The following CFAP92 variants were observed in gnomAD, a reference collection of about 807,000 sequenced individuals.
CFAP92 encodes the protein cilia and flagella associated protein 92 (putative).
CFAP92 carries 86 observed loss-of-function variants against 106.3 expected under a neutral mutation model. The observed-to-expected ratio is 0.81, with a 90% CI of 0.68 to 0.97. The LOEUF is 0.97. CFAP92 is among the 50% of genes least tolerant of loss of function. CFAP92 has a pLI of 0.00. For missense variants in CFAP92, 1,204 were observed against 1,283.8 expected (o/e 0.94, Z 0.95); for synonymous variants, 477 against 506.4 (o/e 0.94, Z 0.78).
intron 9 of CFAP92, 51 bp downstream of exon 9, chr3:128,965,460 G>A (rs1427708600): frequency 2.5e-6 from 1 of 398,904 alleles, no homozygotes. Context: ...TGACGGGCAG[G>A]TGGGTGGAAG....
At chr3:128,938,090 G>C (rs1939233079) in intron 10 of CFAP92, among the ~76,000 whole-genome samples, 2 of 151,194 alleles carry the variant, frequency 1.3e-5, no homozygotes, top group Non-Finnish European at 2.9e-5. Flanking sequence ...AATTAGCTGG[G>C]CATGGTGGCA....
At chr3:128,962,227 C>T (rs1576540251) in intron 9 of CFAP92, among the ~76,000 whole-genome samples, 4 of 152,272 alleles carry the variant, frequency 2.6e-5, no homozygotes, top group South Asian at 2.1e-4. Flanking sequence ...CGCCGAGCTT[C>T]CGGTAACTCT....
At chr3:128,977,174 G>C (rs955785466) in intron 5 of CFAP92, 108 bp from the exon 6 acceptor site, 1 of 793,970 alleles carries the variant, frequency 1.3e-6, no homozygotes, top group African/African-American at 1.7e-5. Flanking sequence ...CAGAAGGCCT[G>C]GGATGTGGTA....
intron 12 of CFAP92, among the ~76,000 whole-genome samples, chr3:128,917,968 G>A (rs1936954953): frequency 6.6e-6 from 1 of 152,200 alleles, no homozygotes; most frequent in African/African-American, 2.4e-5. Context: ...ACTATTATTA[G>A]TGGGATTTAA....
At chr3:129,024,423 C>T in the CFAP92 span, among the ~76,000 whole-genome samples, 1 of 151,258 alleles carries the variant, frequency 6.6e-6, no homozygotes, top group Non-Finnish European at 1.5e-5. Flanking sequence ...CCCAACTACT[C>T]GGGAGGCTGA....
chr3:128,952,451 T>G (rs1019125064), intron 9 of CFAP92, among the ~76,000 whole-genome samples: 3 of 152,106 alleles, frequency 2.0e-5, no homozygotes, highest in African/African-American at 4.8e-5. Context: ...ATAGAATTTT[T>G]AAAAAATCAC....
intron 12 of CFAP92, among the ~76,000 whole-genome samples, chr3:128,931,069 C>T (rs1938312203): frequency 6.6e-6 from 1 of 152,114 alleles, no homozygotes; most frequent in South Asian, 2.1e-4. Context: ...CGACACCCAG[C>T]TAATTTTAGT....
At chr3:128,913,460 T>G (rs566612439) in intron 15 of CFAP92, among the ~76,000 whole-genome samples, 1 of 152,310 alleles carries the variant, frequency 6.6e-6, no homozygotes, top group African/African-American at 2.4e-5. Context: ...GCCTCCCTTC[T>G]GCTGGCACTT....
At chr3:128,985,596 T>C (rs1943804301) in intron 4 of CFAP92, among the ~76,000 whole-genome samples, 1 of 152,058 alleles carries the variant, frequency 6.6e-6, no homozygotes, top group South Asian at 2.1e-4. Context: ...TTCCTGATAC[T>C]CCCACCTCAA....
the CFAP92 span, among the ~76,000 whole-genome samples, chr3:129,016,637 T>C: frequency 6.6e-6 from 1 of 152,052 alleles, no homozygotes; most frequent in South Asian, 2.1e-4. Context: ...CATAAAGCCC[T>C]GGAGACAGAG....
intron 12 of CFAP92, 119 bp downstream of exon 12, chr3:128,932,581 G>A: frequency 9.8e-7 from 1 of 1,015,890 alleles, no homozygotes; most frequent in South Asian, 1.7e-5. Flanking sequence ...CAGGCCAGGA[G>A]CGCAGGCACG....
At chr3:128,988,946 G>A (rs376851400) in intron 2 of CFAP92, 28 bp from the exon 3 acceptor site, 37 of 1,567,296 alleles carry the variant, frequency 2.4e-5, no homozygotes, top group East Asian at 1.3e-4. Context: ...AAAAAGTCTC[G>A]TTTTAACCTC....
the CFAP92 span, among the ~76,000 whole-genome samples, chr3:129,020,701 C>T: frequency 0.046 from 6,966 of 152,166 alleles, 475 homozygotes; most frequent in African/African-American, 0.15. Context: ...TGGTAAGGCA[C>T]GCTTATTGGA....
the CFAP92 span, among the ~76,000 whole-genome samples, chr3:129,022,515 G>C: frequency 6.6e-6 from 1 of 152,180 alleles, no homozygotes; most frequent in African/African-American, 2.4e-5. Context: ...TAAGCCCCTG[G>C]GCTGGCGGCC....
At chr3:128,938,613 C>A (rs1939305911) in intron 10 of CFAP92, among the ~76,000 whole-genome samples, 1 of 151,890 alleles carries the variant, frequency 6.6e-6, no homozygotes, top group South Asian at 2.1e-4. Flanking sequence ...CCTGCCTCAG[C>A]CTCCTGAGTA....
At chr3:128,931,485 G>GTATATA (rs1366674667) in intron 12 of CFAP92, among the ~76,000 whole-genome samples, 7 of 145,328 alleles carry the variant, frequency 4.8e-5, no homozygotes, top group African/African-American at 1.8e-4. Flanking sequence ...GTATATATAT[G>GTATATA]TATGTATGTA....
chr3:129,026,468 T>C, the CFAP92 span, among the ~76,000 whole-genome samples: 1 of 152,198 alleles, frequency 6.6e-6, no homozygotes, highest in Non-Finnish European at 1.5e-5. Context: ...CCTGCTGACA[T>C]ACCTCCTCTG....
chr3:128,953,595 C>A (rs1941042969), intron 9 of CFAP92, among the ~76,000 whole-genome samples: 1 of 109,466 alleles, frequency 9.1e-6, no homozygotes, highest in African/African-American at 5.7e-5. Context: ...CTCTCCCTCT[C>A]CCTCCCCCTC....
intron 8 of CFAP92, chr3:128,968,868 GA>G (rs1171744599): frequency 1.9e-5 from 3 of 159,564 alleles, no homozygotes; most frequent in African/African-American, 7.2e-5. Context: ...AGCACTTTGG[GA>G]GGCTGAGGCA....
Sources: allele counts gnomAD v4.1 joint callset (sites outside exome capture counted in the v4.1 genomes callset), GRCh38; gene constraint gnomAD v4.1.1; transcripts MANE v1.5; gene names NCBI Gene and HGNC (gene_info 2026-07-23, HGNC 2026-07-21).